ISY1: variants seen among roughly 807,000 people sequenced by gnomAD.
The protein encoded by ISY1 is ISY1 spliceosome associated protein.
In ISY1, 12 loss-of-function variants were observed where a neutral mutation model predicts 54.4. The ratio of observed to expected loss-of-function variants is 0.22; its 90% CI spans 0.14 to 0.36. The LOEUF (loss-of-function observed/expected upper bound fraction) is 0.36, where lower values mean the gene tolerates loss of function less well. Among genes scored for constraint, ISY1 ranks in the 10% least tolerant of loss-of-function variants. ISY1 has a pLI of 1.00. For synonymous variants in ISY1, 96 were observed against 117.9 expected (o/e 0.81, Z 1.20); for missense variants, 282 against 342.2 (o/e 0.82, Z 1.39).
intron 6 of ISY1, 44 bp from the exon 7 acceptor site, chr3:129,140,529 T>C: frequency 2.0e-6 from 3 of 1,538,208 alleles, no homozygotes; most frequent in South Asian, 1.2e-5. Flanking sequence ...GTTAGTTAGT[T>C]AGTTAGTTAT....
chr3:129,134,949 G>C lies in ISY1; in HGVS notation c.424C>G (p.Pro142Ala). Residue 142 changes from proline (P) to alanine (A), a missense_variant, in exon 8 of 11, where the codon CCT (proline) becomes GCT (alanine). Coordinates refer to ENST00000393295, the MANE Select transcript of ISY1 (RefSeq NM_020701.4). ...TCAGCACGTGTCTTTCTGGGAGGAG[G>C]AAGAGCTATAAGAAACAGAAATGGA... is the stretch of plus-strand genomic sequence containing the variant. ...VRELFEKEPL[P>A]PPRKTRAELM... The C allele has an allele frequency of 6.2e-7, 1 of 1,605,706 alleles. No homozygotes were observed. Among genetic ancestry groups the C allele is most frequent in the Non-Finnish European group, 8.5e-7 (1 of 1,175,388 alleles).
chr3:129,147,545 G>T (rs931210129), intron 5 of ISY1, among the ~76,000 whole-genome samples: 1 of 152,074 alleles, frequency 6.6e-6, no homozygotes, highest in Non-Finnish European at 1.5e-5. Flanking sequence ...AAAGCAAAGG[G>T]AGAGGATTCC....
Position 129,140,494 on chromosome 3 carries a change from G to A in ISY1, c.301-9C>T. On this transcript the variant is annotated splice_polypyrimidine_tract_variant and intron_variant, in intron 6 of 10. Transcript: ENST00000393295. ...ATTTTAGGGCCAACTTTCTTATTGG[G>A]AAGAAAAAAAGAGAAAATGGATCTG... The A allele has an allele frequency of 6.3e-7, 1 of 1,587,784 alleles. No individual in the cohort carries two copies. Among genetic ancestry groups the A allele is most frequent in the Non-Finnish European group, 8.5e-7 (1 of 1,173,040 alleles).
chr3:129,137,215 T>G, intron 7 of ISY1: 2 of 985,292 alleles, frequency 2.0e-6, no homozygotes, highest in Non-Finnish European at 2.4e-6. Context: ...ATAAAAAAAT[T>G]TTTAAGGCCG....
At position 129,158,525 on chromosome 3, in the gene ISY1, C is replaced by T. The variant is rs768843666; in HGVS notation, c.61G>A (p.Glu21Lys). Reference protein sequence around the residue: ...ALARFRQAQLEEGKVKERRPF... With the variant: ...ALARFRQAQLKEGKVKERRPF... ...ACACCAACCTTCACTTTTCCCTCTT[C>T]CAGCTGAGCCTGGCGAAATCTTGCT... The change falls in exon 3 of 11, where the codon GAA becomes AAA. Residue 21 changes from glutamate (E) to lysine (K), a missense_variant. Physicochemically the swap from Glu to Lys is moderately conservative, Grantham distance 56. Transcript: ENST00000393295. The T allele has an allele frequency of 3.1e-6, 5 of 1,613,908 alleles. No homozygotes were observed. In the African/African-American group the frequency reaches 6.7e-5, roughly 22 times the overall value.
rs753481494 is a variant in ISY1 at position 129,140,343 on chromosome 3, C to G, written c.418+25G>C. ...TCTTATGATTATTACCAATGAAAGGCTAAAACTGTCACAAACTTACTTACG... is the reference window on the plus strand; with the variant it reads ...TCTTATGATTATTACCAATGAAAGGGTAAAACTGTCACAAACTTACTTACG... On this transcript the variant is annotated intron_variant, in intron 7 of 10. Coordinates refer to ENST00000393295, the MANE Select transcript of ISY1 (RefSeq NM_020701.4). 3 of 1,543,710 alleles carry G rather than the reference C, an allele frequency of 1.9e-6. No individual in the cohort carries two copies. The South Asian group carries it at 3.6e-5, about 18-fold the overall frequency.
intron 7 of ISY1, among the ~76,000 whole-genome samples, chr3:129,135,158 C>T (rs1936353896): frequency 6.6e-6 from 1 of 152,068 alleles, no homozygotes; most frequent in African/African-American, 2.4e-5. Context: ...ACCAGCCTGA[C>T]CAACATGGTG....
chr3:129,154,545 G>A (rs543799707), intron 5 of ISY1, among the ~76,000 whole-genome samples: 5 of 151,632 alleles, frequency 3.3e-5, no homozygotes, highest in Admixed American at 2.0e-4. Flanking sequence ...CAAATTTATG[G>A]GCATAACATT....
Position 129,129,351 on chromosome 3 carries a change from T to C in ISY1, c.*730A>G, listed in dbSNP as rs1010001182. Reference sequence around the variant, plus strand: ...CAACCAACACAGAGGGACCTGGTCATTGACTTGTGGGTTGCGTGCATCTTT... The same window carrying C: ...CAACCAACACAGAGGGACCTGGTCACTGACTTGTGGGTTGCGTGCATCTTT... On this transcript the variant is annotated 3_prime_UTR_variant, in exon 11 of 11. Coordinates refer to ENST00000393295, the MANE Select transcript of ISY1 (RefSeq NM_020701.4). 1 of 151,238 alleles carries C rather than the reference T, an allele frequency of 6.6e-6. No homozygotes were observed. Among genetic ancestry groups the C allele is most frequent in the African/African-American group, 2.4e-5 (1 of 41,156 alleles). The allele number at this position is 151,238 out of a possible 1,614,324, so 9.4% of individuals were successfully genotyped here. A position where few individuals can be genotyped will look rare whatever the true frequency, so the allele number is the denominator to read the frequency against.
intron 1 of ISY1, among the ~76,000 whole-genome samples, chr3:129,160,116 C>T (rs1937261702): frequency 6.6e-6 from 1 of 152,002 alleles, no homozygotes; most frequent in Non-Finnish European, 1.5e-5. Context: ...AACTCCGCCT[C>T]CCGGGTTCAC....
chr3:129,158,155 T>G (rs62265348), intron 3 of ISY1, among the ~76,000 whole-genome samples: 2 of 143,320 alleles, frequency 1.4e-5, no homozygotes, highest in Admixed American at 1.4e-4. Context: ...CACTGCACCC[T>G]ACTTTTTTTT....
chr3:129,144,070 G>A (rs1298999147), intron 6 of ISY1: 3 of 342,366 alleles, frequency 8.8e-6, no homozygotes, highest in African/African-American at 4.3e-5. Flanking sequence ...TTTCATACCT[G>A]AGACCACTTT....
intron 1 of ISY1, among the ~76,000 whole-genome samples, chr3:129,160,690 G>C (rs934441842): frequency 6.6e-6 from 1 of 152,162 alleles, no homozygotes; most frequent in Non-Finnish European, 1.5e-5. Flanking sequence ...ACTCGGAGCG[G>C]GACCTAGTGC....
At position 129,140,368 on chromosome 3, in the gene ISY1, G is replaced by A. The variant is rs202218284; in HGVS notation, c.418C>T (p.Pro140Ser). Residue 140 changes from proline to serine, a missense_variant and splice_region_variant, in exon 7 of 11, where the codon CCT becomes TCT. This residue lies in a region of ISY1 where 279 missense variants were observed against 323.6 expected (regional missense o/e 0.86). Coordinates refer to ENST00000393295, the MANE Select transcript of ISY1 (RefSeq NM_020701.4). ...CTAAAACTGTCACAAACTTACTTAC[G>A]TTCTTTTTCAAACAGCTCTCTAACA... ...PGVRELFEKE[P>S]LPPPRKTRAE... 18 of 1,547,490 alleles carry A rather than the reference G, an allele frequency of 1.2e-5. No individual in the cohort carries two copies. The highest frequency in any genetic ancestry group is 1.5e-5 in the Non-Finnish European group (17 of 1,146,036).
chr3:129,148,409 C>A lies in ISY1; in HGVS notation c.188-2536G>T, dbSNP rs538850287. Among the ~76,000 whole-genome samples the A allele has an allele frequency of 1.6e-4, 24 of 152,304 alleles. No individual in the cohort carries two copies. In the South Asian group the frequency reaches 1.7e-3, roughly 11 times the overall value. ...CCATTTTGCCTCCTCACTAGCAGTG[C>A]ATGAGAGTTCATTACTTCACATATT... is the stretch of plus-strand genomic sequence containing the variant. On this transcript the variant is annotated intron_variant, in intron 5 of 10. Coordinates refer to ENST00000393295, the MANE Select transcript of ISY1 (RefSeq NM_020701.4).
chr3:129,159,090 A>G (rs1937229176), intron 2 of ISY1, 64 bp downstream of exon 2: 2 of 1,579,142 alleles, frequency 1.3e-6, no homozygotes, highest in Admixed American at 1.9e-5. Context: ...GGAAATACAC[A>G]AAGAGTTACA....
chr3:129,134,080 C>T lies in ISY1; in HGVS notation c.657G>A (p.Glu219=). Residue 219 remains glutamate, a synonymous_variant, in exon 9 of 11, where the codon GAG becomes GAA. Coordinates refer to ENST00000393295, the MANE Select transcript of ISY1 (RefSeq NM_020701.4). ...EEEINIYAVT[E]EESDEEGSQE... is the part of the protein sequence containing the mutation. ...AGGGGGCCAACCCCAATACCTCCTC[C>T]TCGGTGACTGCATAGATGTTGATCT... is the stretch of plus-strand genomic sequence containing the variant. The T allele has an allele frequency of 6.2e-7, 1 of 1,614,198 alleles. No homozygotes were observed. The highest frequency in any genetic ancestry group is 2.2e-5 in the East Asian group (1 of 44,886).
chr3:129,155,642 GTTGT>G (rs144194630), intron 5 of ISY1, among the ~76,000 whole-genome samples: 5,220 of 151,768 alleles, frequency 0.034, 203 homozygotes, highest in East Asian at 0.11. Context: ...TTACAAATAT[GTTGT>G]TTAATTTCCA....
At chr3:129,157,657 G>A (rs572158315) in intron 3 of ISY1, among the ~76,000 whole-genome samples, 2 of 140,594 alleles carry the variant, frequency 1.4e-5, no homozygotes, top group East Asian at 4.7e-4. Context: ...GGAGTTGGAG[G>A]TTACAGTGAG....
Sources: allele counts gnomAD v4.1 joint callset (sites outside exome capture counted in the v4.1 genomes callset), GRCh38; gene constraint gnomAD v4.1.1; regional missense constraint gnomAD v4.1.1; transcripts MANE v1.5; gene names NCBI Gene and HGNC (gene_info 2026-07-23, HGNC 2026-07-21).